The following PCDH15 variants were observed in gnomAD, a reference collection of about 807,000 sequenced individuals.
The protein encoded by PCDH15 is protocadherin related 15, also known as protocadherin-15.
A neutral mutation model predicts 178.5 loss-of-function variants in PCDH15; 129 were observed. The ratio of observed to expected loss-of-function variants is 0.72; its 90% CI spans 0.63 to 0.84. PCDH15 has a LOEUF of 0.84. Ranked by LOEUF, PCDH15 falls within the 40% of genes least tolerant of loss-of-function variation. PCDH15 has a pLI of 0.00. For synonymous variants in PCDH15, 800 were observed against 732.0 expected (o/e 1.09, Z -1.50); for missense variants, 2,230 against 2,099.9 (o/e 1.06, Z -1.21).
At chr10:55,423,130 A>C (rs1170080648) in intron 2 of PCDH15, among the ~76,000 whole-genome samples, 1 of 152,004 alleles carries the variant, frequency 6.6e-6, no homozygotes, top group Non-Finnish European at 1.5e-5. Context: ...AAAGGGTCAC[A>C]GTAAAAATTA....
At chr10:53,819,051 C>A (rs533661185) in intron 33 of PCDH15, among the ~76,000 whole-genome samples, 1 of 151,980 alleles carries the variant, frequency 6.6e-6, no homozygotes, top group Non-Finnish European at 1.5e-5. Context: ...CAGTGAATTT[C>A]GTAGAGTGCT....
chr10:53,999,071 A>G (rs1036338668), intron 20 of PCDH15, among the ~76,000 whole-genome samples: 1 of 151,756 alleles, frequency 6.6e-6, no homozygotes, highest in African/African-American at 2.4e-5. Flanking sequence ...AAAAAAAAAA[A>G]AAGATATGTA....
chr10:54,669,675 G>A (rs888928801), intron 1 of PCDH15, among the ~76,000 whole-genome samples: 5 of 146,898 alleles, frequency 3.4e-5, no homozygotes, highest in Middle Eastern at 3.4e-3. Flanking sequence ...TGCTAAATTC[G>A]GCTTACTAGA....
intron 8 of PCDH15, among the ~76,000 whole-genome samples, chr10:54,304,993 G>GA (rs1554889750): frequency 2.0e-5 from 3 of 152,074 alleles, no homozygotes; most frequent in South Asian, 2.1e-4. Flanking sequence ...TATTCTTTCA[G>GA]AAAAAATCTT....
At chr10:53,999,160 C>A (rs767443538) in intron 20 of PCDH15, among the ~76,000 whole-genome samples, 1 of 151,780 alleles carries the variant, frequency 6.6e-6, no homozygotes, top group Non-Finnish European at 1.5e-5. Context: ...AGCCAATGGG[C>A]GGAATGACTT....
At position 54,528,360 on chromosome 10, in the gene PCDH15, T is replaced by C. The variant is rs139201679; in HGVS notation, c.92-483A>G. 434 of 1,554,732 alleles carry C rather than the reference T, an allele frequency of 2.8e-4. 3 individuals are homozygous for C. The East Asian group carries it at 9.0e-3, about 32-fold the overall frequency. On this transcript the variant is annotated intron_variant, in intron 2 of 37. Transcript: ENST00000644397. The stretch of plus-strand genomic sequence containing the variant: ...CAGACAAGCAATGCTCATGAGGTTG[T>C]TTGGGGTTTTTATTTTTGTCATCTT...
rs935610246 is a variant in PCDH15 at position 53,878,499 on chromosome 10, A to G, written c.3502-11642T>C. On this transcript the variant is annotated intron_variant, in intron 26 of 37. Transcript: ENST00000644397. ...TAGTATATATATAAATATATAATATATTATATATATACGTGTGTGTGTGTA... is the reference window on the plus strand; with the variant it reads ...TAGTATATATATAAATATATAATATGTTATATATATACGTGTGTGTGTGTA... Among the ~76,000 whole-genome samples, 19 of 136,060 alleles carry G rather than the reference A, an allele frequency of 1.4e-4. No homozygotes were observed. In the East Asian group the frequency reaches 3.9e-3, roughly 28 times the overall value. The allele number at this position is 136,060 out of a possible 152,430, so 89.3% of individuals were successfully genotyped here. A position where few individuals can be genotyped will look rare whatever the true frequency, so the allele number is the denominator to read the frequency against.
In PCDH15 at chr10:54,867,309, T is replaced by C. The variant is rs111822402; in HGVS notation, c.-29+30141A>G. ...AGTGGACCCTATGTTTGTTGTTCTG[T>C]TGGTGATTATTTACTTTTGGCTTTC... On this transcript the variant is annotated intron_variant, in intron 3 of 5. Coordinates refer to the PCDH15 transcript ENST00000458638. Among the ~76,000 whole-genome samples the C allele has an allele frequency of 1.4e-3, 220 of 152,268 alleles. 1 individual carries two copies. Among genetic ancestry groups the C allele is most frequent in the African/African-American group, 4.8e-3 (198 of 41,560 alleles).
intron 2 of PCDH15, among the ~76,000 whole-genome samples, chr10:55,003,071 CAT>C (rs1839830525): frequency 6.6e-6 from 1 of 151,998 alleles, no homozygotes; most frequent in Non-Finnish European, 1.5e-5. Flanking sequence ...TATGTTTTAA[CAT>C]ATGTTGTCAG....
intron 2 of PCDH15, chr10:55,599,598 A>G (rs1046679317): frequency 3.3e-5 from 6 of 182,684 alleles, no homozygotes; most frequent in African/African-American, 1.2e-4. Flanking sequence ...GACATTATCC[A>G]TTGCATAAGC....
chr10:54,309,243 G>T (rs536370325), intron 8 of PCDH15, among the ~76,000 whole-genome samples: 3 of 151,548 alleles, frequency 2.0e-5, no homozygotes, highest in Non-Finnish European at 4.4e-5. Flanking sequence ...GATCTAGACT[G>T]TATAAAATAA....
At chr10:54,938,765 T>C (rs1453989362) in intron 2 of PCDH15, among the ~76,000 whole-genome samples, 1 of 152,162 alleles carries the variant, frequency 6.6e-6, no homozygotes, top group African/African-American at 2.4e-5. Context: ...ATTTTGGTGA[T>C]TGCAATCTAA....
intron 2 of PCDH15, among the ~76,000 whole-genome samples, chr10:55,379,342 G>T: frequency 6.6e-6 from 1 of 151,592 alleles, no homozygotes; most frequent in Non-Finnish European, 1.5e-5. Flanking sequence ...AGAACTATGG[G>T]TAAGAAAATA....
intron 3 of PCDH15, among the ~76,000 whole-genome samples, chr10:54,865,773 G>GA (rs980398249): frequency 2.3e-4 from 34 of 151,106 alleles, no homozygotes; most frequent in African/African-American, 5.8e-4. Context: ...TGTTAAATTA[G>GA]AAAAAAAAAC....
chr10:54,283,844 T>C lies in PCDH15; in HGVS notation c.876+33427A>G, dbSNP rs188090431. On this transcript the variant is annotated intron_variant, in intron 8 of 37. Transcript: ENST00000644397. ...ATTAACATGAGAAGACATGATTTTA[T>C]TTACTTATTTATTTATTTTTTAGAG... 3.2e-3 allele frequency among the ~76,000 whole-genome samples: 481 copies of C among 152,204 alleles called. 5 individuals carry two copies. The highest frequency in any genetic ancestry group is 9.0e-3 in the African/African-American group (372 of 41,528).
rs181097160 is a variant in PCDH15 at position 54,512,457 on chromosome 10, T to G, written c.157+15355A>C. ...CCAATTAACTGTACATACAATAATA[T>G]CTTGCTATCCTACAAAAATGGCATT... On this transcript the variant is annotated intron_variant, in intron 3 of 37. Transcript: ENST00000644397. Among the ~76,000 whole-genome samples the G allele has an allele frequency of 7.4e-4, 112 of 151,796 alleles. 1 individual carries two copies. Among genetic ancestry groups the G allele is most frequent in the Middle Eastern group, 6.8e-3 (2 of 294 alleles).
chr10:54,236,160 A>C (rs1269939948), intron 9 of PCDH15, among the ~76,000 whole-genome samples: 1 of 152,198 alleles, frequency 6.6e-6, no homozygotes, highest in African/African-American at 2.4e-5. Context: ...TCTCACATGC[A>C]TCTGTCTGTC....
At chr10:55,240,596 GT>G (rs1422640537) in intron 1 of PCDH15, among the ~76,000 whole-genome samples, 20 of 152,092 alleles carry the variant, frequency 1.3e-4, no homozygotes, top group African/African-American at 4.6e-4. Flanking sequence ...AAAATAAATA[GT>G]TTTGAAAGAT....
chr10:54,709,286 C>G (rs2095402748), intron 1 of PCDH15, among the ~76,000 whole-genome samples: 1 of 152,086 alleles, frequency 6.6e-6, no homozygotes, highest in Non-Finnish European at 1.5e-5. Context: ...GTAAAGAATA[C>G]TATGATCGGT....
Sources: allele counts gnomAD v4.1 joint callset (sites outside exome capture counted in the v4.1 genomes callset), GRCh38; gene constraint gnomAD v4.1.1; transcripts MANE v1.5; gene names NCBI Gene and HGNC (gene_info 2026-07-23, HGNC 2026-07-21).